Variants in PCDHA3 observed in about 807,000 individuals in gnomAD.
PCDHA3 encodes the protein protocadherin alpha-3.
PCDHA3 carries 41 observed loss-of-function variants against 62.2 expected under a neutral mutation model. The observed-to-expected ratio is 0.66, with a 90% CI of 0.51 to 0.86. PCDHA3 has a LOEUF of 0.86. PCDHA3 is among the 40% of genes least tolerant of loss of function. The pLI is 0.00. For synonymous variants in PCDHA3, 640 were observed against 555.4 expected, an observed-to-expected ratio of 1.15 and a Z score of -2.14; for missense variants, 1,304 against 1,241.2, an observed-to-expected ratio of 1.05 and a Z score of -0.76.
At chr5:140,941,214 C>CCTTCCTTTCTTTCTTTCTTT (rs1554214040) in intron 1 of PCDHA3, among the ~76,000 whole-genome samples, 29 of 122,492 alleles carry the variant, frequency 2.4e-4, no homozygotes, top group South Asian at 5.9e-4. Flanking sequence ...TTTCTTTCTT[C>CCTTCCTTTCTTTCTTTCTTT]CTTTCTTTCT....
In PCDHA3 at chr5:140,853,628, A is replaced by G. The variant is rs782528140; in HGVS notation, c.2394+50037A>G. ...GGGGTGCTGTAAATAAGTATACAAG[A>G]TCACAGACCTAAATTGAGCCTGTTC... On this transcript the variant is annotated intron_variant, in intron 1 of 3. Transcript: ENST00000522353. The G allele has an allele frequency of 2.2e-5, 22 of 988,404 alleles. 3 individuals are homozygous for G. The highest frequency in any genetic ancestry group is 2.6e-5 in the Non-Finnish European group (21 of 820,488). The allele number at this position is 988,404 out of a possible 1,614,324, so 61.2% of individuals were successfully genotyped here.
chr5:140,836,281 C>A, intron 1 of PCDHA3: 2 of 1,613,732 alleles, frequency 1.2e-6, no homozygotes, highest in Non-Finnish European at 1.7e-6. Flanking sequence ...GAGATCAGCA[C>A]GACACGAGCC....
At chr5:140,806,766 A>AT (rs143704986) in intron 1 of PCDHA3, among the ~76,000 whole-genome samples, 1,547 of 152,368 alleles carry the variant, frequency 0.01, 29 homozygotes, top group African/African-American at 0.036. Flanking sequence ...GGTCTCTGTA[A>AT]TACTTAAAAC....
rs2150346184 is a variant in PCDHA3, at chr5:140,842,847, C to T, written c.2394+39256C>T. 8 of 1,593,796 alleles carry T rather than the reference C, an allele frequency of 5.0e-6. 1 individual carries two copies. Among genetic ancestry groups the T allele is most frequent in the Non-Finnish European group, 1.7e-6 (2 of 1,165,370 alleles). On this transcript the variant is annotated intron_variant, in intron 1 of 3. Coordinates refer to ENST00000522353, the MANE Select transcript of PCDHA3 (RefSeq NM_018906.3). ...GAGCGCTCGCTGTCGAGCTACATTT[C>T]GGTGCACACGGAGAGCGGCAAGGTG...
intron 1 of PCDHA3, chr5:140,858,052 T>C (rs1281058907): frequency 2.5e-6 from 4 of 1,597,036 alleles, no homozygotes; most frequent in African/African-American, 1.3e-5. Flanking sequence ...TTGTGTCGCT[T>C]GTGGAGGGCA....
intron 1 of PCDHA3, chr5:140,822,282 C>T: frequency 1.2e-6 from 2 of 1,614,222 alleles, no homozygotes; most frequent in Admixed American, 1.7e-5. Context: ...AATTGAGATA[C>T]AGGTTAAATC....
intron 1 of PCDHA3, chr5:140,930,059 A>G (rs1486359495): frequency 6.6e-6 from 1 of 152,200 alleles, no homozygotes; most frequent in Non-Finnish European, 1.5e-5. Flanking sequence ...TTGCTTACAC[A>G]AAAACTGTAA....
At chr5:140,914,802 T>C (rs2076849351) in intron 1 of PCDHA3, among the ~76,000 whole-genome samples, 1 of 152,202 alleles carries the variant, frequency 6.6e-6, no homozygotes, top group African/African-American at 2.4e-5. Flanking sequence ...TTTAAACTGA[T>C]GGCAACTTAA....
At position 141,010,421 on chromosome 5, in the gene PCDHA3, A is replaced by T. The variant is rs1486731012; in HGVS notation, c.*484A>T. The T allele has an allele frequency of 8.7e-7, 1 of 1,148,142 alleles. No homozygotes were observed. Among genetic ancestry groups the T allele is most frequent in the Admixed American group, 2.9e-5 (1 of 34,726 alleles). The allele number at this position is 1,148,142 out of a possible 1,614,324, so 71.1% of individuals were successfully genotyped here. A position where few individuals can be genotyped will look rare whatever the true frequency, so the allele number is the denominator to read the frequency against. ...CAGCTTAGACTAATTGGTACAAGGAAGGCAAGAAAACAAAGACAAATAAAC... is the reference window on the plus strand; with the variant it reads ...CAGCTTAGACTAATTGGTACAAGGATGGCAAGAAAACAAAGACAAATAAAC... On this transcript the variant is annotated 3_prime_UTR_variant, in exon 4 of 4. Coordinates refer to ENST00000522353, the MANE Select transcript of PCDHA3 (RefSeq NM_018906.3).
chr5:140,869,572 G>A (rs375272234), intron 1 of PCDHA3: 1 of 1,614,060 alleles, frequency 6.2e-7, no homozygotes, highest in Non-Finnish European at 8.5e-7. Flanking sequence ...ACTAGAGGGA[G>A]CTTCTGATGC....
At chr5:140,894,960 A>G (rs1277191439) in intron 1 of PCDHA3, among the ~76,000 whole-genome samples, 1 of 152,170 alleles carries the variant, frequency 6.6e-6, no homozygotes, top group African/African-American at 2.4e-5. Context: ...ATAAAAATAT[A>G]ATTTTTTAAT....
At chr5:140,943,112 G>A (rs1250060246) in intron 1 of PCDHA3, among the ~76,000 whole-genome samples, 1 of 151,850 alleles carries the variant, frequency 6.6e-6, no homozygotes, top group African/African-American at 2.4e-5. Flanking sequence ...ACAAAAATTA[G>A]CCAGGTGTGG....
Position 140,801,378 on chromosome 5 carries a change from C to T in PCDHA3, c.181C>T (p.Pro61Ser), listed in dbSNP as rs1554121455. The change falls in exon 1 of 4, where the codon CCG becomes TCG. Residue 61 changes from proline to serine, a missense_variant. By Grantham distance (74) the Pro-to-Ser change is moderately conservative. Transcript: ENST00000522353. Reference protein sequence around the residue: ...DLGLELAELVPRLFRVASKRH... With the variant: ...DLGLELAELVSRLFRVASKRH... ...GGGGCTGGAGCTGGCGGAGCTGGTG[C>T]CGCGCCTGTTCCGGGTGGCGTCCAA... is the stretch of plus-strand genomic sequence containing the variant. 3 of 1,613,416 alleles carry T rather than the reference C, an allele frequency of 1.9e-6. No individual in the cohort carries two copies. Among genetic ancestry groups the T allele is most frequent in the Middle Eastern group, 1.8e-4 (1 of 5,622 alleles).
intron 1 of PCDHA3, chr5:140,814,292 A>G (rs960626106): frequency 6.6e-6 from 1 of 152,238 alleles, no homozygotes; most frequent in South Asian, 2.0e-4. Flanking sequence ...GGTCAGGATC[A>G]TCAATATCAT....
intron 1 of PCDHA3, among the ~76,000 whole-genome samples, chr5:140,953,639 AG>A (rs1227582024): frequency 6.6e-6 from 1 of 152,152 alleles, no homozygotes; most frequent in African/African-American, 2.4e-5. Context: ...TATTTTGGCC[AG>A]GAGCTATAGT....
chr5:140,867,956 C>T (rs1581824842), intron 1 of PCDHA3: 1 of 151,940 alleles, frequency 6.6e-6, no homozygotes, highest in East Asian at 1.9e-4. Context: ...GCTCCCAAAC[C>T]CAAAATTCTT....
intron 1 of PCDHA3, among the ~76,000 whole-genome samples, chr5:140,964,816 T>A (rs79964853): frequency 0.016 from 2,494 of 151,960 alleles, 68 homozygotes; most frequent in African/African-American, 0.056. Context: ...CAGGAATAGA[T>A]TTTGATGAAA....
At chr5:140,815,532 T>TACACTA (rs1562243834) in intron 1 of PCDHA3, 1 of 151,194 alleles carries the variant, frequency 6.6e-6, no homozygotes, top group African/African-American at 2.4e-5. Context: ...ATATTGTGTA[T>TACACTA]ACATTATTTT....
intron 1 of PCDHA3, chr5:140,871,303 G>T: frequency 6.2e-7 from 1 of 1,613,972 alleles, no homozygotes; most frequent in Non-Finnish European, 8.5e-7. Flanking sequence ...GTGCGCGCCG[G>T]GGAAGCCCAC....
Sources: gnomAD v4.1 joint callset for allele counts (sites outside exome capture counted in the v4.1 genomes callset) on GRCh38, gnomAD v4.1.1 for gene constraint, MANE v1.5 for transcripts, NCBI Gene and HGNC (gene_info 2026-07-23, HGNC 2026-07-21) for gene names.